The following PDE3B variants were observed in gnomAD, a reference collection of about 807,000 sequenced individuals.
PDE3B encodes the protein cGMP-inhibited 3',5'-cyclic phosphodiesterase 3B.
A neutral mutation model predicts 116.8 loss-of-function variants in PDE3B; 66 were observed. The observed-to-expected ratio is 0.56, with a 90% CI of 0.46 to 0.69. PDE3B has a LOEUF of 0.69. Ranked by LOEUF, PDE3B falls within the 30% of genes least tolerant of loss-of-function variation. PDE3B has a pLI of 0.00. For synonymous variants in PDE3B, 595 were observed against 533.6 expected (o/e 1.12, Z -1.59); for missense variants, 1,384 against 1,368.1 (o/e 1.01, Z -0.18).
the PDE3B span, among the ~76,000 whole-genome samples, chr11:14,882,537 C>T: frequency 1.7e-4 from 26 of 152,116 alleles, no homozygotes; most frequent in African/African-American, 6.3e-4. Flanking sequence ...AGCTGTGTGC[C>T]TGGGCATGAC....
At chr11:14,742,780 A>G (rs929454284) in intron 1 of PDE3B, among the ~76,000 whole-genome samples, 2 of 151,548 alleles carry the variant, frequency 1.3e-5, no homozygotes, top group Non-Finnish European at 1.5e-5. Flanking sequence ...TGGACATGCG[A>G]TTTCTTTCTG....
chr11:14,765,481 A>G (rs1184500113), intron 1 of PDE3B, among the ~76,000 whole-genome samples: 3 of 151,882 alleles, frequency 2.0e-5, no homozygotes, highest in African/African-American at 7.2e-5. Flanking sequence ...TTTTAACCAT[A>G]AAGAAAAAAT....
intron 12 of PDE3B, among the ~76,000 whole-genome samples, chr11:14,846,406 C>G (rs1284251519): frequency 2.0e-5 from 3 of 152,116 alleles, no homozygotes; most frequent in African/African-American, 4.8e-5. Flanking sequence ...TAAAGACCAT[C>G]GAGGCTAGGA....
intron 2 of PDE3B, among the ~76,000 whole-genome samples, chr11:14,782,739 C>A (rs1291197309): frequency 6.6e-6 from 1 of 152,168 alleles, no homozygotes; most frequent in East Asian, 1.9e-4. Flanking sequence ...GCAATGGCAA[C>A]AAAAGCCAAA....
At chr11:14,760,499 G>A (rs1202814842) in intron 1 of PDE3B, among the ~76,000 whole-genome samples, 1 of 152,152 alleles carries the variant, frequency 6.6e-6, no homozygotes, top group Non-Finnish European at 1.5e-5. Context: ...AACAGTTCCT[G>A]TACTGACATA....
At chr11:14,878,859 G>A in the PDE3B span, among the ~76,000 whole-genome samples, 1 of 151,990 alleles carries the variant, frequency 6.6e-6, no homozygotes, top group East Asian at 1.9e-4. Flanking sequence ...CATTCCACAA[G>A]TTTTGAAAAA....
chr11:14,851,016 G>C (rs563564990), intron 12 of PDE3B, among the ~76,000 whole-genome samples: 1 of 149,914 alleles, frequency 6.7e-6, no homozygotes, highest in South Asian at 2.1e-4. Flanking sequence ...GTAGAGACGG[G>C]GTTTCACTGT....
At chr11:14,850,705 G>A (rs1847727764) in intron 12 of PDE3B, among the ~76,000 whole-genome samples, 1 of 152,056 alleles carries the variant, frequency 6.6e-6, no homozygotes, top group African/African-American at 2.4e-5. Context: ...AGTATAGCTG[G>A]TAAAATATAA....
rs1555007117 is a variant in PDE3B at position 14,861,293 on chromosome 11, T to C, written c.2813T>C (p.Ile938Thr). Residue 938 changes from isoleucine (I) to threonine (T), a missense_variant, in exon 14 of 16, where the codon ATA (isoleucine) becomes ACA (threonine). Ile to Thr is a moderately conservative substitution (Grantham distance 89). Coordinates refer to ENST00000282096, the MANE Select transcript of PDE3B (RefSeq NM_000922.4). ...VCQVCIKLAD[I>T]NGPAKVRDLH... ...CAGGTGTGCATCAAACTGGCAGATA[T>C]AAATGGCCCAGCAAAAGTTCGAGAC... 11 of 1,613,928 alleles carry C rather than the reference T, an allele frequency of 6.8e-6. No individual in the cohort carries two copies. The highest frequency in any genetic ancestry group is 9.3e-6 in the Non-Finnish European group (11 of 1,179,822).
chr11:14,667,716 A>C (rs993562474), intron 1 of PDE3B, among the ~76,000 whole-genome samples: 1 of 151,650 alleles, frequency 6.6e-6, no homozygotes, highest in African/African-American at 2.4e-5. Context: ...GAGGGATAGC[A>C]TTAGGAGATA....
chr11:14,895,955 GT>G, the PDE3B span, among the ~76,000 whole-genome samples: 86,696 of 151,932 alleles, frequency 0.57, 26,054 homozygotes, highest in East Asian at 0.73. Flanking sequence ...GGGTGTGGGG[GT>G]TTCAGAAGAG....
intron 5 of PDE3B, among the ~76,000 whole-genome samples, chr11:14,805,880 C>T (rs1858904524): frequency 6.6e-6 from 1 of 152,184 alleles, no homozygotes; most frequent in East Asian, 1.9e-4. Flanking sequence ...AGCCAACAGA[C>T]ATAGGAAAAA....
chr11:14,844,074 A>G, intron 12 of PDE3B, 48 bp downstream of exon 12: 1 of 1,405,234 alleles, frequency 7.1e-7, no homozygotes, highest in Non-Finnish European at 1.0e-6. Context: ...TGAAATTTTC[A>G]GTCATGCTGT....
chr11:14,862,870 C>G lies in PDE3B; in HGVS notation c.2886+1504C>G, dbSNP rs1847976398. Among the ~76,000 whole-genome samples, 3 of 152,162 alleles carry G rather than the reference C, an allele frequency of 2.0e-5. No homozygotes were observed. The South Asian group carries it at 6.2e-4, about 32-fold the overall frequency. ...TACAGACATAAGCCACTGTGCCCGG[C>G]TGTTCTTAAATCTTTAATTTTTTTT... On this transcript the variant is annotated intron_variant, in intron 14 of 15. Coordinates refer to ENST00000282096, the MANE Select transcript of PDE3B (RefSeq NM_000922.4).
At chr11:14,807,522 G>A (rs555812136) in intron 5 of PDE3B, among the ~76,000 whole-genome samples, 1 of 151,730 alleles carries the variant, frequency 6.6e-6, no homozygotes, top group Non-Finnish European at 1.5e-5. Flanking sequence ...CTTATAAGGA[G>A]GTAAAATGGC....
At chr11:14,731,720 C>T (rs1322480821) in intron 1 of PDE3B, among the ~76,000 whole-genome samples, 1 of 152,032 alleles carries the variant, frequency 6.6e-6, no homozygotes, top group Non-Finnish European at 1.5e-5. Context: ...TTTTTGTTCC[C>T]AAATGATAGT....
At chr11:14,732,761 T>G (rs1485830491) in intron 1 of PDE3B, among the ~76,000 whole-genome samples, 1 of 152,202 alleles carries the variant, frequency 6.6e-6, no homozygotes, top group Non-Finnish European at 1.5e-5. Flanking sequence ...TTTCACATCC[T>G]GAACTTACTG....
intron 1 of PDE3B, among the ~76,000 whole-genome samples, chr11:14,666,702 A>G (rs2133772728): frequency 6.6e-6 from 1 of 151,474 alleles, no homozygotes; most frequent in South Asian, 2.1e-4. Flanking sequence ...ATCACTGGCC[A>G]TCAGAGAAAT....
At chr11:14,892,028 C>T in the PDE3B span, 1 of 1,613,266 alleles carries the variant, frequency 6.2e-7, no homozygotes, top group Non-Finnish European at 8.5e-7. Context: ...TGGGGAAGCT[C>T]GGATGAGGCT....
Sources: gnomAD v4.1 joint callset for allele counts (sites outside exome capture counted in the v4.1 genomes callset) on GRCh38, gnomAD v4.1.1 for gene constraint, MANE v1.5 for transcripts, NCBI Gene and HGNC (gene_info 2026-07-23, HGNC 2026-07-21) for gene names.